ASXL2: variants seen among roughly 807,000 people sequenced by gnomAD.
ASXL2 encodes the protein ASXL transcriptional regulator 2, also known as putative Polycomb group protein ASXL2.
ASXL2 carries 23 observed loss-of-function variants against 122.0 expected under a neutral mutation model. That is an observed-to-expected ratio of 0.19 (90% confidence interval 0.14 to 0.27). ASXL2 has a LOEUF of 0.27. ASXL2 is among the 10% of genes least tolerant of loss of function. ASXL2 has a pLI of 1.00. For synonymous variants in ASXL2, 650 were observed against 637.0 expected (o/e 1.02, Z -0.31); for missense variants, 1,518 against 1,713.8 (o/e 0.89, Z 2.02).
chr2:25,800,634 C>A (rs1017451469), intron 4 of ASXL2, among the ~76,000 whole-genome samples: 1 of 152,116 alleles, frequency 6.6e-6, no homozygotes, highest in African/African-American at 2.4e-5. Context: ...GATATAATAA[C>A]AGGATAGTTC....
intron 3 of ASXL2, among the ~76,000 whole-genome samples, chr2:25,808,126 C>T (rs1051300581): frequency 1.3e-5 from 2 of 151,856 alleles, no homozygotes; most frequent in Admixed American, 6.6e-5. Flanking sequence ...TTGTTCTCCA[C>T]GGAATCTTCA....
At position 25,748,134 on chromosome 2, in the gene ASXL2, C is replaced by T. The variant is rs374955790; in HGVS notation, c.1860+1562G>A. 2.7e-5 allele frequency among the ~76,000 whole-genome samples: 4 copies of T among 149,956 alleles called. No homozygotes were observed. The East Asian group carries it at 8.0e-4, about 30-fold the overall frequency. ...TGGAGGCTGCAGTGAGCCAAGATTG[C>T]ATCACTGCATTCCAGCCTGGACGAC... On this transcript the variant is annotated intron_variant, in intron 12 of 12. Coordinates refer to ENST00000435504, the MANE Select transcript of ASXL2 (RefSeq NM_018263.6).
intron 11 of ASXL2, among the ~76,000 whole-genome samples, chr2:25,753,060 C>T (rs1293692304): frequency 1.3e-5 from 2 of 151,576 alleles, no homozygotes; most frequent in Non-Finnish European, 2.9e-5. Flanking sequence ...CTCTGCCTCA[C>T]AGGTTCAAGC....
Position 25,738,490 on chromosome 2 carries a change from T to A in ASXL2, c.*3539A>T, listed in dbSNP as rs2087773021. ...ACAGTTGTAAGGAGATGGGGAGACT[T>A]TTCCCTCCTTGCTATGATGTGAAAC... On this transcript the variant is annotated 3_prime_UTR_variant, in exon 13 of 13. Coordinates refer to ENST00000435504, the MANE Select transcript of ASXL2 (RefSeq NM_018263.6). The A allele has an allele frequency of 6.6e-6, 1 of 152,152 alleles. No individual in the cohort carries two copies. Among genetic ancestry groups the A allele is most frequent in the South Asian group, 2.1e-4 (1 of 4,828 alleles). 9.4% of individuals were successfully genotyped at this position (152,152 alleles called of 1,614,324 possible). A position where few individuals can be genotyped will look rare whatever the true frequency, so the allele number is the denominator to read the frequency against.
intron 5 of ASXL2, among the ~76,000 whole-genome samples, chr2:25,790,978 T>C (rs1404765645): frequency 1.3e-5 from 2 of 151,634 alleles, no homozygotes; most frequent in East Asian, 3.9e-4. Flanking sequence ...TGTTTTTTAT[T>C]TAGAGACAAG....
chr2:25,770,735 AAAAG>A (rs1289195695), intron 6 of ASXL2, among the ~76,000 whole-genome samples: 2 of 152,134 alleles, frequency 1.3e-5, no homozygotes, highest in South Asian at 2.1e-4. Context: ...AAAAAAGACA[AAAAG>A]AAAGAAAAGA....
In ASXL2 at chr2:25,822,469, A is replaced by G. The variant is rs982217318; in HGVS notation, c.143+13069T>C. 52 of 475,998 alleles carry G rather than the reference A, an allele frequency of 1.1e-4. 1 individual carries two copies. The highest frequency in any genetic ancestry group is 5.7e-4 in the South Asian group (28 of 49,324). The allele number at this position is 475,998 out of a possible 1,614,324, so 29.5% of individuals were successfully genotyped here. A position where few individuals can be genotyped will look rare whatever the true frequency, so the allele number is the denominator to read the frequency against. ...CGCCCGTCCCCCTGCCCTGTTCACA[A>G]TGCAGCCTGCTTCTGCAAAGTGGTA... On this transcript the variant is annotated intron_variant, in intron 3 of 12. Transcript: ENST00000435504.
At chr2:25,788,383 A>G (rs1303209231) in intron 5 of ASXL2, among the ~76,000 whole-genome samples, 2 of 152,214 alleles carry the variant, frequency 1.3e-5, no homozygotes, top group East Asian at 3.8e-4. Context: ...ATCTTTGATG[A>G]ACATTTAGGT....
intron 9 of ASXL2, among the ~76,000 whole-genome samples, chr2:25,758,987 C>T (rs1298263199): frequency 2.0e-5 from 3 of 151,940 alleles, no homozygotes; most frequent in Admixed American, 6.6e-5. Flanking sequence ...TGGAGTTTCA[C>T]TCTGTCACTC....
intron 1 of ASXL2, chr2:25,856,495 G>T: frequency 9.4e-7 from 1 of 1,061,504 alleles, no homozygotes; most frequent in Non-Finnish European, 1.4e-6. Flanking sequence ...CTTGTATCCA[G>T]CAAAGACAGC....
chr2:25,743,963 C>T lies in ASXL2; in HGVS notation c.2374G>A (p.Val792Ile). 2.5e-6 allele frequency: 4 copies of T among 1,613,936 alleles called. No homozygotes were observed. The highest frequency in any genetic ancestry group is 3.4e-6 in the Non-Finnish European group (4 of 1,179,880). ...TTCTCTATGTGGGCTGGTGATGGGA[C>T]ACTTGTGCATGCTCCACTGACGGCA... ...TPAVSGACTS[V>I]PSPAHIEKLD... Residue 792 changes from valine (V) to isoleucine (I), a missense_variant, in exon 13 of 13, where the codon GTC (valine) becomes ATC (isoleucine). Around this residue, in one of 8 missense-constraint regions of ASXL2, gnomAD observed 831 missense variants for 833.1 expected, o/e 1.00. Transcript: ENST00000435504.
At chr2:25,767,451 A>T (rs2088371484) in intron 8 of ASXL2, 132 bp downstream of exon 8, 4 of 933,308 alleles carry the variant, frequency 4.3e-6, no homozygotes, top group Non-Finnish European at 6.2e-6. Flanking sequence ...CAACAAAAAA[A>T]ACTTATGTCT....
intron 1 of ASXL2, among the ~76,000 whole-genome samples, chr2:25,861,160 G>A (rs1475189194): frequency 9.2e-5 from 14 of 151,940 alleles, no homozygotes; most frequent in Admixed American, 7.2e-4. Flanking sequence ...AAATCAATAC[G>A]AAAAAACTAA....
At position 25,865,600 on chromosome 2, in the gene ASXL2, T is replaced by C. The variant is rs1180444576; in HGVS notation, c.57+12566A>G. Among the ~76,000 whole-genome samples the C allele has an allele frequency of 3.0e-5, 4 of 134,712 alleles. No individual in the cohort carries two copies. In the Admixed American group the frequency reaches 3.0e-4, roughly 10 times the overall value. The allele number at this position is 134,712 out of a possible 152,430, so 88.4% of individuals were successfully genotyped here. A position where few individuals can be genotyped will look rare whatever the true frequency, so the allele number is the denominator to read the frequency against. ...GGCTAACACGGTGAGACCCTGTCTCTACTAAAAATACAAAAAAAAAAAAAA... is the reference window on the plus strand; with the variant it reads ...GGCTAACACGGTGAGACCCTGTCTCCACTAAAAATACAAAAAAAAAAAAAA... On this transcript the variant is annotated intron_variant, in intron 1 of 12. Transcript: ENST00000435504.
intron 5 of ASXL2, among the ~76,000 whole-genome samples, chr2:25,782,732 T>C (rs1038751010): frequency 2.0e-5 from 3 of 152,224 alleles, no homozygotes; most frequent in African/African-American, 7.2e-5. Context: ...TTATTGAGCA[T>C]AAAATTTATT....
At chr2:25,872,214 T>A (rs2089966916) in intron 1 of ASXL2, among the ~76,000 whole-genome samples, 1 of 152,006 alleles carries the variant, frequency 6.6e-6, no homozygotes, top group Middle Eastern at 3.2e-3. Flanking sequence ...AAACCCCATC[T>A]CTACAAAAAA....
chr2:25,856,368 T>TTTTTTTTC lies in ASXL2; in HGVS notation c.58-10806_58-10805insGAAAAAAA, dbSNP rs1438560605. ...CACTGCTCACCTGGCCTATACTTTT[T>TTTTTTTTC]TTTTTTTTTTTTTTTTGACACCAGT... On this transcript the variant is annotated intron_variant, in intron 1 of 12. Transcript: ENST00000435504. The TTTTTTTTC allele has an allele frequency of 2.9e-5, 11 of 379,222 alleles. No individual in the cohort carries two copies. The Admixed American group carries it at 3.8e-4, about 13-fold the overall frequency. The allele number at this position is 379,222 out of a possible 1,614,324, so 23.5% of individuals were successfully genotyped here.
At chr2:25,808,671 C>CTT (rs898236510) in intron 3 of ASXL2, among the ~76,000 whole-genome samples, 6 of 152,126 alleles carry the variant, frequency 3.9e-5, no homozygotes, top group African/African-American at 1.4e-4. Context: ...TGTATCAAGC[C>CTT]TTTTTTGTTT....
intron 1 of ASXL2, among the ~76,000 whole-genome samples, chr2:25,876,947 G>A (rs2090014347): frequency 6.6e-6 from 1 of 152,140 alleles, no homozygotes; most frequent in South Asian, 2.1e-4. Context: ...TAGATTTGGG[G>A]AAATAAAGAG....
Sources: gnomAD v4.1 joint callset for allele counts (sites outside exome capture counted in the v4.1 genomes callset) on GRCh38, gnomAD v4.1.1 for gene constraint, gnomAD v4.1.1 regional missense constraint, MANE v1.5 for transcripts, NCBI Gene and HGNC (gene_info 2026-07-23, HGNC 2026-07-21) for gene names.